The following C8A variants were observed in gnomAD, a reference collection of about 807,000 sequenced individuals.
C8A encodes the protein complement component C8 alpha chain.
Under a neutral mutation model 65.3 loss-of-function variants are expected in C8A, and 67 were observed. The observed-to-expected ratio is 1.03, with a 90% CI of 0.84 to 1.26. The LOEUF (loss-of-function observed/expected upper bound fraction) is 1.26, where lower values mean the gene tolerates loss of function less well. Ranked by LOEUF, C8A falls within the 50% of genes most tolerant of loss-of-function variation. The pLI is 0.00. For synonymous variants in C8A, 290 were observed against 259.4 expected (o/e 1.12, Z -1.13); for missense variants, 781 against 723.9 (o/e 1.08, Z -0.90).
intron 1 of C8A, among the ~76,000 whole-genome samples, chr1:56,862,214 G>A (rs1488945201): frequency 6.6e-6 from 1 of 152,146 alleles, no homozygotes; most frequent in Admixed American, 6.6e-5. Flanking sequence ...AAATAGTCTT[G>A]CAAACGATTT....
chr1:56,908,153 G>T (rs780437973), intron 9 of C8A, 40 bp downstream of exon 9: 1 of 1,596,892 alleles, frequency 6.3e-7, no homozygotes, highest in Non-Finnish European at 8.6e-7. Context: ...ACGTCCATGA[G>T]GAATGAAAGT....
chr1:56,909,953 C>G (rs926858379), intron 9 of C8A, among the ~76,000 whole-genome samples: 1 of 152,142 alleles, frequency 6.6e-6, no homozygotes, highest in African/African-American at 2.4e-5. Context: ...TCATGTTGCC[C>G]CCTGAGAAGT....
At chr1:56,866,826 G>A (rs183580652) in intron 1 of C8A, among the ~76,000 whole-genome samples, 1 of 152,304 alleles carries the variant, frequency 6.6e-6, no homozygotes, top group Admixed American at 6.5e-5. Flanking sequence ...GGTAAGAGAA[G>A]GATCGTGGGC....
intron 7 of C8A, among the ~76,000 whole-genome samples, chr1:56,897,102 CCTTT>C (rs1486073075): frequency 6.6e-6 from 1 of 152,098 alleles, no homozygotes; most frequent in Non-Finnish European, 1.5e-5. Context: ...CATTTATTTT[CCTTT>C]CTAAGAACAT....
intron 7 of C8A, among the ~76,000 whole-genome samples, chr1:56,887,772 G>A (rs1342356727): frequency 1.3e-5 from 2 of 152,234 alleles, no homozygotes; most frequent in African/African-American, 4.8e-5. Context: ...AGAAAATGTG[G>A]CACATATACA....
At chr1:56,864,437 T>A (rs1644064582) in intron 1 of C8A, among the ~76,000 whole-genome samples, 4 of 151,618 alleles carry the variant, frequency 2.6e-5, no homozygotes. Context: ...ATAATGGAGA[T>A]CCCAATGAGG....
chr1:56,909,809 T>A (rs1644492297), intron 9 of C8A, among the ~76,000 whole-genome samples: 1 of 152,198 alleles, frequency 6.6e-6, no homozygotes, highest in Non-Finnish European at 1.5e-5. Flanking sequence ...TTCACAAGAC[T>A]CAGGAGATCA....
intron 2 of C8A, among the ~76,000 whole-genome samples, chr1:56,872,721 A>T (rs1644158235): frequency 6.6e-6 from 1 of 152,198 alleles, no homozygotes; most frequent in Non-Finnish European, 1.5e-5. Context: ...AACAATGAGC[A>T]AGATATATTT....
chr1:56,856,058 G>A (rs1420205535), intron 1 of C8A, among the ~76,000 whole-genome samples: 1 of 152,066 alleles, frequency 6.6e-6, no homozygotes, highest in Admixed American at 6.6e-5. Context: ...CTTGATGTTT[G>A]ATGAACTTAT....
chr1:56,880,646 T>A, intron 4 of C8A, among the ~76,000 whole-genome samples: 1 of 152,132 alleles, frequency 6.6e-6, no homozygotes, highest in East Asian at 1.9e-4. Flanking sequence ...GCACTATGAA[T>A]TGCATCCAAT....
rs77967809 is a variant in C8A at position 56,889,762 on chromosome 1, C to T, written c.1096+3595C>T. Among the ~76,000 whole-genome samples the T allele has an allele frequency of 3.1e-3, 477 of 152,132 alleles. 7 individuals carry two copies. The East Asian group carries it at 0.077, about 24-fold the overall frequency. On this transcript the variant is annotated intron_variant, in intron 7 of 10. Transcript: ENST00000361249. ...GGTTTGCTCAGATCCTCTCTGGGTTCGTTCCAGAGGATGCACGAGGCTGTT... is the reference window on the plus strand; with the variant it reads ...GGTTTGCTCAGATCCTCTCTGGGTTTGTTCCAGAGGATGCACGAGGCTGTT...
Position 56,859,855 on chromosome 1 carries a change from G to T in C8A, c.77+4877G>T, listed in dbSNP as rs187517232. ...GGCAGGTGGATCACTTGAGCTCAGG[G>T]GTTCGAGACCATCCTGACCAACATG... is the stretch of plus-strand genomic sequence containing the variant. On this transcript the variant is annotated intron_variant, in intron 1 of 10. Transcript: ENST00000361249. 1.4e-4 allele frequency among the ~76,000 whole-genome samples: 21 copies of T among 152,124 alleles called. No homozygotes were observed. The East Asian group carries it at 3.1e-3, about 22-fold the overall frequency.
At position 56,906,777 on chromosome 1, in the gene C8A, G is replaced by A. The variant is rs1415141664; in HGVS notation, c.1207G>A (p.Gly403Arg). 6.2e-7 allele frequency: 1 copy of A among 1,614,090 alleles called. No individual in the cohort carries two copies. Residue 403 changes from glycine to arginine, a missense_variant, in exon 8 of 11, where the codon GGA (glycine) becomes AGA (arginine). Physicochemically the swap from Gly to Arg is moderately radical, Grantham distance 125. Coordinates refer to ENST00000361249, the MANE Select transcript of C8A (RefSeq NM_000562.3). ...ATCAGGAGACCATTGTAAAAAATTT[G>A]GAGGTGGCAAAACTGGCAAGTGTTT... The part of the protein sequence containing the change: ...GLSGDHCKKF[G>R]GGKTERARKA...
chr1:56,912,666 G>A (rs1437459131), intron 10 of C8A, 41 bp downstream of exon 10: 1 of 1,578,536 alleles, frequency 6.3e-7, no homozygotes, highest in Non-Finnish European at 8.7e-7. Context: ...GCCTGTCCCA[G>A]CTCAAAGGGG....
At chr1:56,898,656 G>A (rs1176655588) in intron 7 of C8A, among the ~76,000 whole-genome samples, 2 of 152,070 alleles carry the variant, frequency 1.3e-5, no homozygotes, top group African/African-American at 2.4e-5. Context: ...GTGTACTCAG[G>A]ACTTAGATCT....
At chr1:56,860,361 T>C (rs1345139942) in intron 1 of C8A, among the ~76,000 whole-genome samples, 2 of 152,082 alleles carry the variant, frequency 1.3e-5, no homozygotes, top group Admixed American at 1.3e-4. Context: ...GTCACAAAAT[T>C]GGACAGAGGC....
chr1:56,892,960 A>G (rs1420232112), intron 7 of C8A, among the ~76,000 whole-genome samples: 2 of 152,158 alleles, frequency 1.3e-5, no homozygotes, highest in African/African-American at 2.4e-5. Flanking sequence ...AGGGCTTTGC[A>G]AAGACCTCAC....
chr1:56,866,983 G>C (rs1644095633), intron 1 of C8A, among the ~76,000 whole-genome samples: 1 of 152,086 alleles, frequency 6.6e-6, no homozygotes, highest in Non-Finnish European at 1.5e-5. Context: ...GGGCTACTTA[G>C]CTTTTAGGAA....
At chr1:56,896,538 T>A (rs1331077674) in intron 7 of C8A, among the ~76,000 whole-genome samples, 1 of 152,196 alleles carries the variant, frequency 6.6e-6, no homozygotes, top group Non-Finnish European at 1.5e-5. Flanking sequence ...GTCTTTTTGT[T>A]CTAGTCAGTC....
Sources: gnomAD v4.1 joint callset for allele counts (sites outside exome capture counted in the v4.1 genomes callset) on GRCh38, gnomAD v4.1.1 for gene constraint, MANE v1.5 for transcripts, NCBI Gene and HGNC (gene_info 2026-07-23, HGNC 2026-07-21) for gene names.